The following IFT81 variants were observed in gnomAD, a reference collection of about 807,000 sequenced individuals.
IFT81 encodes the protein intraflagellar transport 81, also known as intraflagellar transport protein 81 homolog.
Under a neutral mutation model 102.6 loss-of-function variants are expected in IFT81, and 72 were observed. The ratio of observed to expected loss-of-function variants is 0.70; its 90% CI spans 0.58 to 0.85. IFT81 has a LOEUF of 0.85. Among genes scored for constraint, IFT81 ranks in the 40% least tolerant of loss-of-function variants. The pLI, the probability that IFT81 is intolerant of heterozygous loss-of-function variation, is 0.00. For missense variants in IFT81, 723 were observed against 787.3 expected (o/e 0.92, Z 0.98); for synonymous variants, 237 against 242.7 (o/e 0.98, Z 0.22).
intron 10 of IFT81, among the ~76,000 whole-genome samples, chr12:110,148,615 C>T (rs1895355750): frequency 6.6e-6 from 1 of 151,994 alleles, no homozygotes; most frequent in Non-Finnish European, 1.5e-5. Flanking sequence ...GCTGGGATTA[C>T]AGGTGCCCAC....
chr12:110,187,534 G>A (rs1452456867), intron 12 of IFT81, among the ~76,000 whole-genome samples: 1 of 152,096 alleles, frequency 6.6e-6, no homozygotes, highest in African/African-American at 2.4e-5. Flanking sequence ...CAAAGTGATG[G>A]GATTACATGC....
At position 110,135,387 on chromosome 12, in the gene IFT81, A is replaced by G. The variant is rs761243995; in HGVS notation, c.646A>G (p.Lys216Glu). 1 of 1,613,560 alleles carries G rather than the reference A, an allele frequency of 6.2e-7. No individual in the cohort carries two copies. The highest frequency in any genetic ancestry group is 8.5e-7 in the Non-Finnish European group (1 of 1,179,674). ...AATAGCAAGGCAACTTCGAGTTGAA[A>G]AAGAGAGAGAAGAATATCTTGCACA... The part of the protein sequence containing the change: ...LKIARQLRVE[K>E]EREEYLAQQK... Residue 216 changes from lysine to glutamate, a missense_variant, in exon 7 of 19, where the codon AAA becomes GAA. By Grantham distance (56) the Lys-to-Glu change is moderately conservative. Coordinates refer to ENST00000242591, the MANE Select transcript of IFT81 (RefSeq NM_014055.4).
chr12:110,158,874 C>A (rs973052323), intron 10 of IFT81, among the ~76,000 whole-genome samples: 5 of 152,236 alleles, frequency 3.3e-5, no homozygotes, highest in African/African-American at 1.2e-4. Flanking sequence ...AGGCGTGAGC[C>A]ACCGCGCCCG....
Position 110,131,377 on chromosome 12 carries a change from C to T in IFT81, c.430-1170C>T, listed in dbSNP as rs557653525. On this transcript the variant is annotated intron_variant, in intron 4 of 18. Transcript: ENST00000242591. ...TTTTTTTTTGTTTGAGACAGAGTCTCGCTTTGTCACCCAGGCTGGAGTGCA... is the reference window on the plus strand; with the variant it reads ...TTTTTTTTTGTTTGAGACAGAGTCTTGCTTTGTCACCCAGGCTGGAGTGCA... Among the ~76,000 whole-genome samples the T allele has an allele frequency of 5.9e-5, 9 of 151,972 alleles. No homozygotes were observed. In the South Asian group the frequency reaches 8.3e-4, roughly 14 times the overall value.
At chr12:110,171,666 T>C (rs117193566) in intron 11 of IFT81, among the ~76,000 whole-genome samples, 1,989 of 152,366 alleles carry the variant, frequency 0.013, 18 homozygotes, top group South Asian at 0.028. Flanking sequence ...TTTAAAAGAC[T>C]GTCATTTTAG....
At position 110,205,523 on chromosome 12, in the gene IFT81, A is replaced by C. The variant is rs1371045144; in HGVS notation, c.1716+9A>C. On this transcript the variant is annotated intron_variant, in intron 16 of 18. Transcript: ENST00000242591. ...CAAATTGTATGATTAAGGTAAGACA[A>C]AGTAGATCAAAAACATTTCTGAGTT... 6.3e-7 allele frequency: 1 copy of C among 1,590,582 alleles called. No homozygotes were observed. Among genetic ancestry groups the C allele is most frequent in the South Asian group, 1.2e-5 (1 of 85,886 alleles).
chr12:110,144,295 C>T (rs1473303575), intron 9 of IFT81, among the ~76,000 whole-genome samples: 1 of 152,080 alleles, frequency 6.6e-6, no homozygotes, highest in Non-Finnish European at 1.5e-5. Context: ...CGGCTCACTA[C>T]AACCTCCGCT....
At chr12:110,134,395 A>G (rs565808387) in intron 5 of IFT81, among the ~76,000 whole-genome samples, 11 of 152,098 alleles carry the variant, frequency 7.2e-5, no homozygotes, top group South Asian at 2.1e-4. Context: ...GTTTGTTTTT[A>G]TAACAAAATA....
intron 3 of IFT81, among the ~76,000 whole-genome samples, chr12:110,128,355 C>T (rs1893966164): frequency 6.7e-6 from 1 of 150,276 alleles, no homozygotes; most frequent in Non-Finnish European, 1.5e-5. Context: ...ATCAAACTGT[C>T]TGGTAAATCC....
At chr12:110,191,080 T>C in intron 13 of IFT81, 32 bp downstream of exon 13, 1 of 1,580,566 alleles carries the variant, frequency 6.3e-7, no homozygotes, top group Non-Finnish European at 8.6e-7. Context: ...TTTTCTTTTA[T>C]TGTGTAGCTA....
At chr12:110,182,994 C>T (rs1408370215) in intron 12 of IFT81, among the ~76,000 whole-genome samples, 2 of 152,204 alleles carry the variant, frequency 1.3e-5, no homozygotes, top group South Asian at 2.1e-4. Context: ...AACTCATTTT[C>T]ATAGGCCATC....
chr12:110,172,597 C>G (rs975100440), intron 11 of IFT81, among the ~76,000 whole-genome samples: 2 of 152,142 alleles, frequency 1.3e-5, no homozygotes, highest in Admixed American at 1.3e-4. Context: ...CTGTGTTGGC[C>G]GGGCTGGTCT....
At chr12:110,174,457 G>GAA (rs573702387) in intron 11 of IFT81, among the ~76,000 whole-genome samples, 165 of 55,148 alleles carry the variant, frequency 3.0e-3, no homozygotes, top group African/African-American at 7.3e-3. Context: ...CTCCGTCTCA[G>GAA]AAAAAAAAAA....
chr12:110,155,860 G>GCACA (rs1895810719), intron 10 of IFT81, among the ~76,000 whole-genome samples: 1 of 151,598 alleles, frequency 6.6e-6, no homozygotes, highest in African/African-American at 2.4e-5. Context: ...TTTTCTTTGT[G>GCACA]GTTACCATGG....
chr12:110,146,834 G>T, intron 9 of IFT81, 119 bp from the exon 10 acceptor site: 1 of 1,246,128 alleles, frequency 8.0e-7, no homozygotes. Flanking sequence ...GTGAAACTGA[G>T]ACCTTGTCTT....
At chr12:110,196,610 G>A (rs1253836130) in intron 14 of IFT81, among the ~76,000 whole-genome samples, 1 of 152,122 alleles carries the variant, frequency 6.6e-6, no homozygotes, top group African/African-American at 2.4e-5. Flanking sequence ...AGCTACTCAG[G>A]GGGCCAAGGC....
chr12:110,165,293 A>G (rs1439840350), intron 11 of IFT81, among the ~76,000 whole-genome samples: 1 of 152,204 alleles, frequency 6.6e-6, no homozygotes, highest in African/African-American at 2.4e-5. Flanking sequence ...ATTTTCTACT[A>G]TGATAAAGTG....
chr12:110,180,959 T>C (rs1897298108), intron 12 of IFT81, among the ~76,000 whole-genome samples: 1 of 152,220 alleles, frequency 6.6e-6, no homozygotes, highest in African/African-American at 2.4e-5. Flanking sequence ...AGGGAAGTGC[T>C]GTGTGGAAGT....
intron 13 of IFT81, among the ~76,000 whole-genome samples, chr12:110,191,740 A>G (rs1418534646): frequency 1.3e-5 from 2 of 152,122 alleles, no homozygotes; most frequent in African/African-American, 4.8e-5. Context: ...AAATGTTGAT[A>G]TCTTATATTA....
Sources: gnomAD v4.1 joint callset for allele counts (sites outside exome capture counted in the v4.1 genomes callset) on GRCh38, gnomAD v4.1.1 for gene constraint, MANE v1.5 for transcripts, NCBI Gene and HGNC (gene_info 2026-07-23, HGNC 2026-07-21) for gene names.